ESR1: variants seen among roughly 807,000 people sequenced by gnomAD.
ESR1 encodes estrogen receptor 1, also known as estrogen receptor.
Under a neutral mutation model 52.7 loss-of-function variants are expected in ESR1, and 12 were observed. That is an observed-to-expected ratio of 0.23 (90% CI 0.15 to 0.37). The LOEUF is 0.37. Among genes scored for constraint, ESR1 ranks in the 10% least tolerant of loss-of-function variants. The probability of loss-of-function intolerance (pLI) is 1.00; values close to 1 mark genes in which losing one functional copy is unlikely to be tolerated. For missense variants in ESR1, 584 were observed against 779.7 expected, an observed-to-expected ratio of 0.75 and a Z score of 2.99; for synonymous variants, 305 against 316.8, an observed-to-expected ratio of 0.96 and a Z score of 0.39.
chr6:151,743,916 A>G (rs555656715), intron 2 of ESR1, among the ~76,000 whole-genome samples: 2 of 150,814 alleles, frequency 1.3e-5, no homozygotes, highest in East Asian at 3.9e-4. Flanking sequence ...GTCACTTCCC[A>G]TTTCCCCGGC....
intron 2 of ESR1, among the ~76,000 whole-genome samples, chr6:151,783,734 ATTAAC>A (rs1562402672): frequency 1.3e-5 from 2 of 152,148 alleles, no homozygotes; most frequent in African/African-American, 4.8e-5. Context: ...TTATTTTATT[ATTAAC>A]TTAATTCATG....
chr6:151,665,347 G>C (rs1777782096), intron 1 of ESR1, among the ~76,000 whole-genome samples: 1 of 152,150 alleles, frequency 6.6e-6, no homozygotes. Context: ...TTGTTTTTTA[G>C]AAGTGTTTGT....
In ESR1 at chr6:151,939,901, A is replaced by G. The variant is rs140294408; in HGVS notation, c.761-4272A>G. On this transcript the variant is annotated intron_variant, in intron 3 of 7. Transcript: ENST00000206249. ...AACAAAATCTCTGTTTTTTGTTTGTACAAAACAAAAAACAATAATATTTTT... is the reference window on the plus strand; with the variant it reads ...AACAAAATCTCTGTTTTTTGTTTGTGCAAAACAAAAAACAATAATATTTTT... Among the ~76,000 whole-genome samples the G allele has an allele frequency of 6.0e-3, 918 of 152,246 alleles. 10 individuals carry two copies. The highest frequency in any genetic ancestry group is 0.02 in the African/African-American group (814 of 41,566).
intron 2 of ESR1, among the ~76,000 whole-genome samples, chr6:151,794,221 C>G (rs1776474878): frequency 6.6e-6 from 1 of 152,090 alleles, no homozygotes; most frequent in Non-Finnish European, 1.5e-5. Flanking sequence ...TCCACTAAAA[C>G]TAGGGCACAA....
At chr6:152,083,389 T>C (rs1238590882) in intron 6 of ESR1, among the ~76,000 whole-genome samples, 1 of 152,188 alleles carries the variant, frequency 6.6e-6, no homozygotes, top group Non-Finnish European at 1.5e-5. Context: ...TAATAAATGG[T>C]GCTAGGAAAA....
At chr6:152,077,550 C>G (rs1372807972) in intron 6 of ESR1, among the ~76,000 whole-genome samples, 1 of 152,176 alleles carries the variant, frequency 6.6e-6, no homozygotes, top group Non-Finnish European at 1.5e-5. Context: ...CCTGGAAAAG[C>G]CACAGACACT....
intron 6 of ESR1, among the ~76,000 whole-genome samples, chr6:152,093,097 C>T (rs898342535): frequency 3.3e-5 from 5 of 151,790 alleles, no homozygotes; most frequent in African/African-American, 1.2e-4. Context: ...CCCAAGATGG[C>T]GAAACCCCAT....
chr6:151,853,465 T>G (rs1432407513), intron 2 of ESR1, among the ~76,000 whole-genome samples: 1 of 152,122 alleles, frequency 6.6e-6, no homozygotes, highest in Non-Finnish European at 1.5e-5. Context: ...CTCAGAAGAG[T>G]TAAATCACAG....
chr6:151,773,876 G>A (rs1354002913), intron 2 of ESR1, among the ~76,000 whole-genome samples: 4 of 152,168 alleles, frequency 2.6e-5, no homozygotes, highest in Admixed American at 2.6e-4. Context: ...AATGTCTGTG[G>A]GTGAATTTCT....
chr6:151,737,602 G>A (rs966553178), intron 2 of ESR1, among the ~76,000 whole-genome samples: 2 of 152,118 alleles, frequency 1.3e-5, no homozygotes, highest in Non-Finnish European at 2.9e-5. Flanking sequence ...ATTGTGCAGT[G>A]GAAAATGAGT....
At chr6:151,941,188 A>G (rs1480496420) in intron 3 of ESR1, among the ~76,000 whole-genome samples, 1 of 152,202 alleles carries the variant, frequency 6.6e-6, no homozygotes, top group African/African-American at 2.4e-5. Flanking sequence ...GAAAAACAAT[A>G]TCACCTTCTA....
At chr6:151,689,869 A>G (rs980434324), upstream of ESR1, among the ~76,000 whole-genome samples, 1 of 152,224 alleles carries the variant, frequency 6.6e-6, no homozygotes, top group East Asian at 1.9e-4. Flanking sequence ...AAAATTTTTA[A>G]TATGATTTTA....
intron 2 of ESR1, among the ~76,000 whole-genome samples, chr6:151,877,077 A>G (rs1273954088): frequency 6.6e-6 from 1 of 151,978 alleles, no homozygotes; most frequent in Non-Finnish European, 1.5e-5. Context: ...CATTATCTTG[A>G]GAAGACCAGA....
intron 6 of ESR1, among the ~76,000 whole-genome samples, chr6:152,109,391 C>T (rs1468658457): frequency 1.3e-5 from 2 of 151,918 alleles, no homozygotes; most frequent in East Asian, 1.9e-4. Context: ...TGGGGCTGGG[C>T]GCAGTGGCTT....
intron 3 of ESR1, among the ~76,000 whole-genome samples, chr6:151,936,585 A>G (rs540703417): frequency 1.3e-5 from 2 of 152,224 alleles, no homozygotes; most frequent in Non-Finnish European, 2.9e-5. Flanking sequence ...ATTATTGGAA[A>G]CTTCTGCTTC....
At chr6:151,993,306 A>G (rs2041194138) in intron 4 of ESR1, among the ~76,000 whole-genome samples, 1 of 152,186 alleles carries the variant, frequency 6.6e-6, no homozygotes, top group Non-Finnish European at 1.5e-5. Context: ...CATACTGTCC[A>G]ATGAGACACC....
chr6:152,072,713 A>T (rs2048447842), intron 6 of ESR1, among the ~76,000 whole-genome samples: 1 of 152,230 alleles, frequency 6.6e-6, no homozygotes, highest in Admixed American at 6.5e-5. Flanking sequence ...ACAGGTAGTT[A>T]GCTCTGAGGA....
chr6:151,815,874 A>G (rs1209829387), intron 1 of ESR1, among the ~76,000 whole-genome samples: 3 of 152,136 alleles, frequency 2.0e-5, no homozygotes, highest in Admixed American at 6.5e-5. Context: ...CCCTCTTGCT[A>G]TCTACTTCGT....
chr6:151,998,222 T>C (rs1470106904), intron 4 of ESR1, among the ~76,000 whole-genome samples: 1 of 152,168 alleles, frequency 6.6e-6, no homozygotes, highest in African/African-American at 2.4e-5. Flanking sequence ...AGCATCCCCA[T>C]TGGGGTGGCA....
Sources: allele counts gnomAD v4.1 joint callset (sites outside exome capture counted in the v4.1 genomes callset), GRCh38; gene constraint gnomAD v4.1.1; transcripts MANE v1.5; gene names NCBI Gene and HGNC (gene_info 2026-07-23, HGNC 2026-07-21).